Variants in SUPT3H observed in about 807,000 individuals in gnomAD.
SUPT3H encodes the protein SPT3 homolog, SAGA and STAGA complex component.
SUPT3H carries 44 observed loss-of-function variants against 44.3 expected under a neutral mutation model. The observed-to-expected ratio is 0.99, with a 90% CI of 0.78 to 1.28. SUPT3H has a LOEUF of 1.28. Ranked by LOEUF, SUPT3H falls within the 50% of genes most tolerant of loss-of-function variation. The pLI is 0.00. For missense variants in SUPT3H, 380 were observed against 387.1 expected (o/e 0.98, Z 0.15); for synonymous variants, 124 against 125.6 (o/e 0.99, Z 0.09).
chr6:44,941,826 C>A (rs1772492164), intron 9 of SUPT3H, among the ~76,000 whole-genome samples: 2 of 152,078 alleles, frequency 1.3e-5, no homozygotes, highest in Admixed American at 1.3e-4. Flanking sequence ...ATTACTTGAA[C>A]CATTATAGCA....
In SUPT3H at chr6:45,121,124, G is replaced by C. The variant is rs549529738; in HGVS notation, c.102-15118C>G. 4.1e-4 allele frequency among the ~76,000 whole-genome samples: 62 copies of C among 152,192 alleles called. No homozygotes were observed. The South Asian group carries it at 8.9e-3, about 22-fold the overall frequency. On this transcript the variant is annotated intron_variant, in intron 2 of 10. Coordinates refer to ENST00000371459, the MANE Select transcript of SUPT3H (RefSeq NM_003599.4). The stretch of plus-strand genomic sequence containing the variant: ...ATACCATTCATATACTGTTTCCAGA[G>C]AGTTTGATAAACAGAAAAATTCCAC...
At chr6:45,366,261 G>A (rs2150283272) in intron 1 of SUPT3H, among the ~76,000 whole-genome samples, 1 of 152,316 alleles carries the variant, frequency 6.6e-6, no homozygotes, top group South Asian at 2.1e-4. Flanking sequence ...AGTAAACTAA[G>A]AGGGCAGGTT....
intron 2 of SUPT3H, among the ~76,000 whole-genome samples, chr6:45,253,242 A>G (rs1300747278): frequency 6.6e-6 from 1 of 152,220 alleles, no homozygotes; most frequent in African/African-American, 2.4e-5. Flanking sequence ...GGAAATACAA[A>G]TATCTCAACA....
chr6:45,156,424 A>G (rs1807823327), intron 2 of SUPT3H, among the ~76,000 whole-genome samples: 1 of 152,138 alleles, frequency 6.6e-6, no homozygotes, highest in South Asian at 2.1e-4. Flanking sequence ...CAATGCAAAC[A>G]CTTCTTACGA....
In SUPT3H at chr6:45,176,294, G is replaced by A. The variant is rs536801393; in HGVS notation, c.102-70288C>T. ...CGAGGGGTCAAGAACTTCCCTTTCC[G>A]AGTCAAAGAAAGGGGTGACGGACGC... On this transcript the variant is annotated intron_variant, in intron 2 of 10. Transcript: ENST00000371459. Among the ~76,000 whole-genome samples, 14 of 151,776 alleles carry A rather than the reference G, an allele frequency of 9.2e-5. No individual in the cohort carries two copies. The South Asian group carries it at 2.3e-3, about 25-fold the overall frequency.
intron 2 of SUPT3H, among the ~76,000 whole-genome samples, chr6:45,202,577 T>C (rs1436972297): frequency 6.6e-6 from 1 of 152,026 alleles, no homozygotes; most frequent in Admixed American, 6.6e-5. Context: ...ATTTAGAAGT[T>C]TGCCTAAATA....
At chr6:45,328,304 GC>G in intron 2 of SUPT3H, 1 of 1,367,668 alleles carries the variant, frequency 7.3e-7, no homozygotes, top group African/African-American at 1.5e-5. Flanking sequence ...TAAAGCTTTT[GC>G]TTTTTTGGAT....
At chr6:44,950,773 C>T (rs1469363267) in intron 9 of SUPT3H, among the ~76,000 whole-genome samples, 4 of 150,398 alleles carry the variant, frequency 2.7e-5, no homozygotes, top group African/African-American at 9.7e-5. Flanking sequence ...TTCTAATCCA[C>T]TGTACATGGC....
intron 3 of SUPT3H, among the ~76,000 whole-genome samples, chr6:45,082,594 A>T (rs1464850633): frequency 2.0e-5 from 3 of 152,188 alleles, no homozygotes; most frequent in African/African-American, 7.2e-5. Context: ...AAAATCCCAC[A>T]TTCTTTCACG....
At chr6:44,972,919 C>T (rs1380580706) in intron 6 of SUPT3H, among the ~76,000 whole-genome samples, 3 of 152,208 alleles carry the variant, frequency 2.0e-5, no homozygotes, top group Admixed American at 6.5e-5. Flanking sequence ...TCCTCCTACG[C>T]CTCTGGGCCT....
intron 3 of SUPT3H, among the ~76,000 whole-genome samples, chr6:45,092,895 G>A (rs1583493546): frequency 6.6e-6 from 1 of 152,074 alleles, no homozygotes; most frequent in African/African-American, 2.4e-5. Context: ...ATATGCTTGG[G>A]AAACTAACAA....
intron 3 of SUPT3H, among the ~76,000 whole-genome samples, chr6:45,087,013 T>C (rs1439466167): frequency 4.6e-5 from 7 of 151,940 alleles, no homozygotes; most frequent in Non-Finnish European, 1.0e-4. Context: ...AATCTTTCTT[T>C]CAAACAAAAA....
intron 10 of SUPT3H, among the ~76,000 whole-genome samples, chr6:44,911,684 A>C (rs1220927384): frequency 6.6e-6 from 1 of 152,218 alleles, no homozygotes; most frequent in East Asian, 1.9e-4. Context: ...TTGCCAATAT[A>C]AGGAATGACT....
At chr6:44,879,315 T>C (rs999944325) in intron 10 of SUPT3H, among the ~76,000 whole-genome samples, 3 of 152,176 alleles carry the variant, frequency 2.0e-5, no homozygotes, top group Non-Finnish European at 4.4e-5. Flanking sequence ...GCCTGGAACT[T>C]TGAACTGGGC....
intron 9 of SUPT3H, among the ~76,000 whole-genome samples, chr6:44,949,677 A>C (rs1582696476): frequency 6.6e-6 from 1 of 151,932 alleles, no homozygotes. Context: ...ATAAATGGCC[A>C]ATCAATACAT....
intron 2 of SUPT3H, among the ~76,000 whole-genome samples, chr6:45,276,797 T>C (rs1287371562): frequency 6.6e-6 from 1 of 152,184 alleles, no homozygotes; most frequent in Admixed American, 6.6e-5. Flanking sequence ...TAGCTGACCA[T>C]CATACACACA....
intron 10 of SUPT3H, among the ~76,000 whole-genome samples, chr6:44,903,954 G>A (rs528393852): frequency 4.0e-4 from 61 of 152,160 alleles, no homozygotes; most frequent in Non-Finnish European, 6.8e-4. Flanking sequence ...AATAGATGCA[G>A]AAAAGGCCTT....
intron 2 of SUPT3H, among the ~76,000 whole-genome samples, chr6:45,259,459 A>G (rs917200831): frequency 1.3e-5 from 2 of 152,178 alleles, no homozygotes; most frequent in African/African-American, 4.8e-5. Flanking sequence ...ATAATGAAAA[A>G]CATGACCAAA....
intron 3 of SUPT3H, among the ~76,000 whole-genome samples, chr6:45,048,266 G>A (rs990608246): frequency 1.5e-5 from 1 of 65,196 alleles, no homozygotes; most frequent in Non-Finnish European, 2.7e-5. Context: ...TTTTTAGTTT[G>A]ATGTAATCCC....
Sources: gnomAD v4.1 joint callset for allele counts (sites outside exome capture counted in the v4.1 genomes callset) on GRCh38, gnomAD v4.1.1 for gene constraint, MANE v1.5 for transcripts, NCBI Gene and HGNC (gene_info 2026-07-23, HGNC 2026-07-21) for gene names.